Variants in RFWD3 observed in about 807,000 individuals in gnomAD.
The protein encoded by RFWD3 is E3 ubiquitin-protein ligase RFWD3.
In RFWD3, 65 loss-of-function variants were observed where a neutral mutation model predicts 87.7. The observed-to-expected ratio is 0.74, with a 90% confidence interval of 0.61 to 0.91. RFWD3 has a LOEUF of 0.91. Among genes scored for constraint, RFWD3 ranks in the 40% least tolerant of loss-of-function variants. The probability of loss-of-function intolerance (pLI) is 0.00; values close to 1 mark genes in which losing one functional copy is unlikely to be tolerated. For missense variants in RFWD3, 1,078 were observed against 938.5 expected (o/e 1.15, Z -1.94); for synonymous variants, 433 against 352.8 (o/e 1.23, Z -2.55).
intron 9 of RFWD3, among the ~76,000 whole-genome samples, chr16:74,631,924 C>T (rs1220354343): frequency 6.6e-6 from 1 of 152,152 alleles, no homozygotes; most frequent in Non-Finnish European, 1.5e-5. Context: ...CTGGTCTCCA[C>T]CAACTTTAGA....
intron 11 of RFWD3, among the ~76,000 whole-genome samples, chr16:74,627,603 G>C (rs1423671067): frequency 6.6e-6 from 1 of 152,106 alleles, no homozygotes; most frequent in African/African-American, 2.4e-5. Context: ...CCTAGTCAGG[G>C]CTCTTCTAGA....
At chr16:74,650,024 T>C (rs1309068979) in intron 3 of RFWD3, among the ~76,000 whole-genome samples, 1 of 152,194 alleles carries the variant, frequency 6.6e-6, no homozygotes, top group Non-Finnish European at 1.5e-5. Flanking sequence ...TCAATCCACA[T>C]TTGCATCTGC....
At chr16:74,631,463 A>ACT (rs56056110) in intron 9 of RFWD3, among the ~76,000 whole-genome samples, 23 of 150,268 alleles carry the variant, frequency 1.5e-4, no homozygotes, top group South Asian at 8.5e-4. Context: ...ACAGAGTGAG[A>ACT]CTCTCTCTCT....
chr16:74,666,031 A>G (rs1383284452), intron 1 of RFWD3, among the ~76,000 whole-genome samples: 1 of 151,816 alleles, frequency 6.6e-6, no homozygotes, highest in Admixed American at 6.6e-5. Flanking sequence ...AACAGGAAAA[A>G]GGGAGGAAGA....
intron 2 of RFWD3, among the ~76,000 whole-genome samples, chr16:74,653,884 TAGAC>T (rs1189358053): frequency 2.6e-5 from 4 of 152,178 alleles, no homozygotes; most frequent in Non-Finnish European, 5.9e-5. Context: ...TCCAACTCAA[TAGAC>T]AGAAGATTTT....
intron 1 of RFWD3, chr16:74,664,283 C>T (rs1317428577): frequency 6.6e-6 from 1 of 152,034 alleles, no homozygotes; most frequent in Non-Finnish European, 1.5e-5. Flanking sequence ...TAGGGTACAA[C>T]GACAGTCTCC....
intron 1 of RFWD3, among the ~76,000 whole-genome samples, chr16:74,662,722 C>T (rs1344848803): frequency 6.6e-6 from 1 of 152,050 alleles, no homozygotes; most frequent in Admixed American, 6.5e-5. Flanking sequence ...GGCCTATGGG[C>T]CTTGGTAAGG....
chr16:74,658,310 C>A (rs1351041995), intron 2 of RFWD3, among the ~76,000 whole-genome samples: 1 of 152,150 alleles, frequency 6.6e-6, no homozygotes, highest in African/African-American at 2.4e-5. Flanking sequence ...AGTGATGACC[C>A]CCACTGCCAG....
At chr16:74,642,703 T>C (rs912263593) in intron 6 of RFWD3, among the ~76,000 whole-genome samples, 1 of 152,104 alleles carries the variant, frequency 6.6e-6, no homozygotes, top group African/African-American at 2.4e-5. Flanking sequence ...ATGTTGCCCA[T>C]GCTGCTCTCA....
chr16:74,636,266 C>T, intron 8 of RFWD3, 80 bp downstream of exon 8: 3 of 1,318,312 alleles, frequency 2.3e-6, no homozygotes, highest in Non-Finnish European at 3.2e-6. Flanking sequence ...ACCTTTGAGT[C>T]TTGAATTTTC....
Position 74,623,088 on chromosome 16 carries a change from A to G in RFWD3, c.*840T>C, listed in dbSNP as rs1958814237. 1 of 152,248 alleles carries G rather than the reference A, an allele frequency of 6.6e-6. No individual in the cohort carries two copies. The highest frequency in any genetic ancestry group is 2.1e-4 in the South Asian group (1 of 4,838). The allele number at this position is 152,248 out of a possible 1,614,324, so 9.4% of individuals were successfully genotyped here. Reference sequence around the variant, plus strand: ...ACCTATCACTCATCTTTTCCTGGCAAGAGATAGTGTTCTTCAAAGCACTAG... The same window carrying G: ...ACCTATCACTCATCTTTTCCTGGCAGGAGATAGTGTTCTTCAAAGCACTAG... On this transcript the variant is annotated 3_prime_UTR_variant, in exon 13 of 13. Transcript: ENST00000361070.
chr16:74,664,819 C>T (rs1961748424), intron 1 of RFWD3: 1 of 152,004 alleles, frequency 6.6e-6, no homozygotes, highest in African/African-American at 2.4e-5. Context: ...GCTAGAAACA[C>T]ACATAGGGCG....
In RFWD3 at chr16:74,621,495, A is replaced by G. The variant is rs1958765759; in HGVS notation, c.*2433T>C. ...AGAGTTCCCATGGCCCTGTTTTCAA[A>G]GCAGGGGCAAGAATACATACAATGA... On this transcript the variant is annotated 3_prime_UTR_variant, in exon 13 of 13. Transcript: ENST00000361070. 1 of 152,192 alleles carries G rather than the reference A, an allele frequency of 6.6e-6. No homozygotes were observed. Among genetic ancestry groups the G allele is most frequent in the Admixed American group, 6.5e-5 (1 of 15,276 alleles). The allele number at this position is 152,192 out of a possible 1,614,324, so 9.4% of individuals were successfully genotyped here.
At chr16:74,648,115 G>A (rs895630741) in intron 4 of RFWD3, among the ~76,000 whole-genome samples, 1 of 152,028 alleles carries the variant, frequency 6.6e-6, no homozygotes, top group African/African-American at 2.4e-5. Context: ...TGGCGAATGT[G>A]CTTAATAATT....
chr16:74,628,582 C>T lies in RFWD3; in HGVS notation c.1839G>A (p.Glu613=), dbSNP rs776051837. 7 of 1,614,186 alleles carry T rather than the reference C, an allele frequency of 4.3e-6. No individual in the cohort carries two copies. The highest frequency in any genetic ancestry group is 5.9e-6 in the Non-Finnish European group (7 of 1,180,042). ...TTTTCTGTTCCCAGAATGAAGCATC[C>T]TCCAAGGTTCCAGCCAGCACCCCAC... ...PYGGVLAGTL[E]DASFWEQKMD... is the part of the protein sequence containing the mutation. Residue 613 remains glutamate (E), a synonymous_variant, in exon 11 of 13, where the codon GAG becomes GAA. Coordinates refer to ENST00000361070, the MANE Select transcript of RFWD3 (RefSeq NM_018124.4).
chr16:74,625,649 C>T (rs1486632843), intron 12 of RFWD3, among the ~76,000 whole-genome samples: 1 of 152,086 alleles, frequency 6.6e-6, no homozygotes, highest in Non-Finnish European at 1.5e-5. Flanking sequence ...TGTGTATATG[C>T]TTTCTGTGCT....
intron 8 of RFWD3, among the ~76,000 whole-genome samples, chr16:74,633,765 T>C (rs894243008): frequency 6.6e-6 from 1 of 151,918 alleles, no homozygotes; most frequent in Non-Finnish European, 1.5e-5. Context: ...GCCTGGGCAA[T>C]ATGGTGAAAC....
At position 74,649,147 on chromosome 16, in the gene RFWD3, C is replaced by A; in HGVS notation, c.777G>T (p.Lys259Asn). Residue 259 changes from lysine to asparagine, a missense_variant, in exon 4 of 13, where the codon AAG (lysine) becomes AAT (asparagine). Lys to Asn is a moderately conservative substitution (Grantham distance 94). Transcript: ENST00000361070. ...TTCATATTACCTGTTTGGGGAGGGT[C>A]TTGCCTCCATCGATACATGTAACTT... ...EQEVTCIDGG[K>N]TLPKQPSPQK... The A allele has an allele frequency of 2.5e-6, 4 of 1,571,306 alleles. No individual in the cohort carries two copies. The highest frequency in any genetic ancestry group is 3.4e-6 in the Non-Finnish European group (4 of 1,165,154).
intron 4 of RFWD3, among the ~76,000 whole-genome samples, chr16:74,648,303 A>G (rs1960313990): frequency 6.6e-6 from 1 of 151,590 alleles, no homozygotes; most frequent in South Asian, 2.1e-4. Context: ...AAAGCCTGCA[A>G]GCTTCCCATT....
Sources: allele counts gnomAD v4.1 joint callset (sites outside exome capture counted in the v4.1 genomes callset), GRCh38; gene constraint gnomAD v4.1.1; transcripts MANE v1.5; gene names NCBI Gene and HGNC (gene_info 2026-07-23, HGNC 2026-07-21).